Variants in IL1RAPL2 observed in about 807,000 individuals in gnomAD.
IL1RAPL2 encodes the protein interleukin 1 receptor accessory protein like 2.
IL1RAPL2 carries 3 observed loss-of-function variants against 44.1 expected under a neutral mutation model. The observed-to-expected ratio is 0.07, with a 90% CI of 0.03 to 0.18. IL1RAPL2 has a LOEUF of 0.18. Ranked by LOEUF, IL1RAPL2 falls within the 10% of genes least tolerant of loss-of-function variation. The probability of loss-of-function intolerance (pLI) is 1.00; values close to 1 mark genes in which losing one functional copy is unlikely to be tolerated. For synonymous variants in IL1RAPL2, 181 were observed against 178.8 expected, an observed-to-expected ratio of 1.01 and a Z score of -0.10; for missense variants, 391 against 496.4, an observed-to-expected ratio of 0.79 and a Z score of 2.02.
chrX:105,102,238 A>G (rs989530202), intron 2 of IL1RAPL2, among the ~76,000 whole-genome samples: 3 of 111,432 alleles, frequency 2.7e-5, no homozygotes, highest in African/African-American at 9.8e-5. Flanking sequence ...ACCCACACCA[A>G]TTGTGCTCTC....
chrX:104,573,279 A>G (rs1431643044), intron 1 of IL1RAPL2, among the ~76,000 whole-genome samples: 1 of 112,413 alleles, frequency 8.9e-6, no homozygotes, highest in African/African-American at 3.2e-5. Flanking sequence ...ATGCAGTTGT[A>G]TAAATTTAAA....
chrX:105,711,120 C>T (rs2038206894), intron 6 of IL1RAPL2, among the ~76,000 whole-genome samples: 1 of 109,859 alleles, frequency 9.1e-6, no homozygotes, highest in African/African-American at 3.3e-5. Flanking sequence ...CAGCTTTTTC[C>T]TTCTTAACAT....
chrX:105,547,569 C>A (rs2147801094), intron 6 of IL1RAPL2, among the ~76,000 whole-genome samples: 1 of 112,170 alleles, frequency 8.9e-6, no homozygotes, highest in Non-Finnish European at 1.9e-5. Flanking sequence ...TTCACCTGGG[C>A]TCACTCATGT....
chrX:104,585,375 T>TA (rs1928534485), intron 1 of IL1RAPL2, among the ~76,000 whole-genome samples: 1 of 30,579 alleles, frequency 3.3e-5, no homozygotes, highest in African/African-American at 2.1e-4. Flanking sequence ...ATATATTATA[T>TA]ATAATATATA....
chrX:104,863,241 G>T (rs1390297525), intron 2 of IL1RAPL2, among the ~76,000 whole-genome samples: 1 of 111,396 alleles, frequency 9.0e-6, no homozygotes, highest in Admixed American at 9.6e-5. Flanking sequence ...CCACTGGGCT[G>T]GGTAGAGAGG....
intron 5 of IL1RAPL2, among the ~76,000 whole-genome samples, chrX:105,315,044 A>C (rs1322634595): frequency 8.9e-6 from 1 of 112,357 alleles, no homozygotes; most frequent in African/African-American, 3.2e-5. Context: ...GAGGCTCTTA[A>C]CATATTAAAA....
intron 3 of IL1RAPL2, chrX:105,218,875 C>A: frequency 3.5e-5 from 28 of 797,829 alleles, no homozygotes; most frequent in Non-Finnish European, 4.6e-5. Context: ...TCCCCTACCA[C>A]CCCGGCCCCC....
chrX:104,814,778 C>T (rs188916802), intron 2 of IL1RAPL2, among the ~76,000 whole-genome samples: 13 of 112,155 alleles, frequency 1.2e-4, no homozygotes, highest in Middle Eastern at 4.6e-3. Context: ...TACAAGAATG[C>T]GCTTGCCTTA....
chrX:104,789,003 A>T (rs770138689), intron 2 of IL1RAPL2, among the ~76,000 whole-genome samples: 4 of 112,192 alleles, frequency 3.6e-5, no homozygotes, highest in Non-Finnish European at 7.5e-5. Flanking sequence ...ATTAGATAAT[A>T]TATGTAAATG....
At chrX:105,216,221 A>C (rs1206400422) in intron 3 of IL1RAPL2, among the ~76,000 whole-genome samples, 2 of 111,292 alleles carry the variant, frequency 1.8e-5, no homozygotes, top group East Asian at 5.7e-4. Context: ...CCATCGTCTC[A>C]GCCCAAAAAC....
chrX:105,746,123 A>ACATTCCCTG (rs1205721428), intron 8 of IL1RAPL2, among the ~76,000 whole-genome samples: 1 of 111,952 alleles, frequency 8.9e-6, no homozygotes, highest in African/African-American at 3.2e-5. Context: ...GCAAGCTCAA[A>ACATTCCCTG]CATTCCCTGC....
chrX:104,615,803 A>T (rs1375366750), intron 1 of IL1RAPL2, among the ~76,000 whole-genome samples: 1 of 112,212 alleles, frequency 8.9e-6, no homozygotes, highest in East Asian at 2.8e-4. Flanking sequence ...AAATCACCAC[A>T]CCATCTTCCA....
chrX:105,035,505 G>A (rs1274648418), intron 2 of IL1RAPL2, among the ~76,000 whole-genome samples: 4 of 112,161 alleles, frequency 3.6e-5, no homozygotes, highest in Non-Finnish European at 7.5e-5. Context: ...GTAAGCCAGA[G>A]TCTACAGTTC....
At chrX:105,668,352 T>C (rs1392712181) in intron 6 of IL1RAPL2, among the ~76,000 whole-genome samples, 1 of 112,755 alleles carries the variant, frequency 8.9e-6, no homozygotes, top group Non-Finnish European at 1.9e-5. Context: ...GCCTTGGCTT[T>C]GGAGGGGCAA....
At chrX:104,990,834 T>G (rs1217575521) in intron 2 of IL1RAPL2, among the ~76,000 whole-genome samples, 1 of 111,750 alleles carries the variant, frequency 8.9e-6, no homozygotes, top group East Asian at 2.8e-4. Flanking sequence ...TGGAACCTAC[T>G]CCTGAAGATG....
intron 6 of IL1RAPL2, among the ~76,000 whole-genome samples, chrX:105,574,431 A>G (rs1310246084): frequency 9.0e-6 from 1 of 111,251 alleles, no homozygotes; most frequent in Non-Finnish European, 1.9e-5. Context: ...CAAGCTCTGT[A>G]TGGGACAGTC....
At chrX:105,564,178 C>A (rs1017161082) in intron 6 of IL1RAPL2, among the ~76,000 whole-genome samples, 5 of 111,116 alleles carry the variant, frequency 4.5e-5, no homozygotes, top group Non-Finnish European at 9.4e-5. Flanking sequence ...GGCTCCATAT[C>A]CTAAAGGCTC....
At chrX:104,804,288 T>C (rs1210087682) in intron 2 of IL1RAPL2, 5 of 110,799 alleles carry the variant, frequency 4.5e-5, no homozygotes, top group Non-Finnish European at 9.4e-5. Flanking sequence ...TGGATCCAGA[T>C]TGTGAAGGTA....
intron 2 of IL1RAPL2, among the ~76,000 whole-genome samples, chrX:104,966,470 G>C (rs1260891225): frequency 9.0e-6 from 1 of 111,162 alleles, no homozygotes; most frequent in Non-Finnish European, 1.9e-5. Context: ...TGACCTTAAG[G>C]TTAAAAAAGA....
Sources: gnomAD v4.1 joint callset for allele counts (sites outside exome capture counted in the v4.1 genomes callset) on GRCh38, gnomAD v4.1.1 for gene constraint, MANE v1.5 for transcripts, NCBI Gene and HGNC (gene_info 2026-07-23, HGNC 2026-07-21) for gene names.